CDC42BPB: variants seen among roughly 807,000 people sequenced by gnomAD.
CDC42BPB encodes the protein serine/threonine-protein kinase MRCK beta.
In CDC42BPB, 37 loss-of-function variants were observed where a neutral mutation model predicts 214.9. The ratio of observed to expected loss-of-function variants is 0.17; its 90% confidence interval spans 0.13 to 0.23. The LOEUF is 0.23. CDC42BPB is among the 10% of genes least tolerant of loss of function. The pLI, the probability that CDC42BPB is intolerant of heterozygous loss-of-function variation, is 1.00. For missense variants in CDC42BPB, 1,694 were observed against 2,227.0 expected, an observed-to-expected ratio of 0.76 and a Z score of 4.82; for synonymous variants, 931 against 884.0, an observed-to-expected ratio of 1.05 and a Z score of -0.94.
At chr14:102,957,227 A>C (rs957636105) in intron 21 of CDC42BPB, among the ~76,000 whole-genome samples, 1 of 134,310 alleles carries the variant, frequency 7.4e-6, no homozygotes, top group Non-Finnish European at 1.6e-5. Context: ...AAAAAAAGGG[A>C]GGGATGAGGG....
rs549784457 is a variant in CDC42BPB, at chr14:102,944,771, T to C, written c.3812-284A>G. 4.7e-5 allele frequency: 30 copies of C among 634,366 alleles called. No individual in the cohort carries two copies. In the African/African-American group the frequency reaches 5.0e-4, roughly 11 times the overall value. The allele number at this position is 634,366 out of a possible 1,614,324, so 39.3% of individuals were successfully genotyped here. The stretch of plus-strand genomic sequence containing the variant: ...CTCTGCTGCTGTGCACACCCCTCAG[T>C]GCACCAGGGCTCCAGCTGGGCAGCG... On this transcript the variant is annotated intron_variant, in intron 29 of 36. Transcript: ENST00000361246. The surrounding 1 kb of genome is among the most constrained non-coding windows in gnomAD (Gnocchi z 6.6).
At chr14:102,955,797 C>T (rs1266760118) in intron 21 of CDC42BPB, among the ~76,000 whole-genome samples, 2 of 152,196 alleles carry the variant, frequency 1.3e-5, no homozygotes, top group Admixed American at 6.5e-5. Flanking sequence ...GCTGGGTAGG[C>T]GCCTAAAGCA....
intron 1 of CDC42BPB, among the ~76,000 whole-genome samples, chr14:103,056,357 T>G (rs971727911): frequency 6.6e-5 from 10 of 152,106 alleles, no homozygotes; most frequent in African/African-American, 2.4e-4. Flanking sequence ...AAGTAGGTAT[T>G]CAGGCTCTGA....
At chr14:102,978,293 G>A (rs945278168) in intron 8 of CDC42BPB, 88 bp from the exon 9 acceptor site, 2 of 1,579,338 alleles carry the variant, frequency 1.3e-6, no homozygotes, top group African/African-American at 1.4e-5. Flanking sequence ...ATGGTGACAG[G>A]AGGCACTGGG....
intron 1 of CDC42BPB, among the ~76,000 whole-genome samples, chr14:103,020,315 G>A (rs1193902706): frequency 2.6e-5 from 4 of 152,312 alleles, no homozygotes; most frequent in African/African-American, 9.6e-5. Context: ...TCGCCCCCGA[G>A]TCGTCAACTC....
intron 30 of CDC42BPB, among the ~76,000 whole-genome samples, chr14:102,942,577 C>T (rs1269747957): frequency 6.6e-6 from 1 of 152,248 alleles, no homozygotes; most frequent in African/African-American, 2.4e-5. Flanking sequence ...CAGGGTCTCA[C>T]TCTGTCTCCC....
intron 1 of CDC42BPB, among the ~76,000 whole-genome samples, chr14:103,022,841 G>C (rs951731160): frequency 4.6e-5 from 7 of 152,124 alleles, no homozygotes; most frequent in South Asian, 2.1e-4. Flanking sequence ...GGTGCTTGCT[G>C]CATCTGTGCC....
At chr14:102,938,281 T>A in intron 35 of CDC42BPB, 25 bp downstream of exon 35, 1 of 1,605,078 alleles carries the variant, frequency 6.2e-7, no homozygotes, top group Non-Finnish European at 8.5e-7. Flanking sequence ...CCCCCAGGGC[T>A]GCGGGGGCCA....
In CDC42BPB at chr14:102,968,298, C is replaced by G; in HGVS notation, c.2301G>C (p.Ala767=). ...GCTTCTTGTTTTCATCAAACAGCAT[C>G]GCTCTTTCTCGTTCGTATTTATCTT... The part of the protein sequence containing the change: ...TIKDKYERER[A]MLFDENKKLT... The change falls in exon 16 of 37, where the codon GCG becomes GCC. Residue 767 remains alanine, a synonymous_variant. Coordinates refer to ENST00000361246, the MANE Select transcript of CDC42BPB (RefSeq NM_006035.4). 1 of 1,614,022 alleles carries G rather than the reference C, an allele frequency of 6.2e-7. No homozygotes were observed. Among genetic ancestry groups the G allele is most frequent in the African/African-American group, 1.3e-5 (1 of 74,990 alleles).
intron 1 of CDC42BPB, among the ~76,000 whole-genome samples, chr14:103,030,135 C>T (rs1234867827): frequency 6.6e-6 from 1 of 152,226 alleles, no homozygotes; most frequent in Non-Finnish European, 1.5e-5. Flanking sequence ...AGAGGAGAAG[C>T]GTGGAGCGGC....
At chr14:103,022,051 G>A (rs936505302) in intron 1 of CDC42BPB, among the ~76,000 whole-genome samples, 1 of 152,154 alleles carries the variant, frequency 6.6e-6, no homozygotes, top group South Asian at 2.1e-4. Flanking sequence ...GGTGCCCAGT[G>A]TACAGCTGGT....
chr14:103,038,894 A>C (rs1337980947), intron 1 of CDC42BPB, among the ~76,000 whole-genome samples: 1 of 152,158 alleles, frequency 6.6e-6, no homozygotes, highest in African/African-American at 2.4e-5. Flanking sequence ...AGATTGACCA[A>C]GAAAAAAAAC....
chr14:102,969,270 G>A (rs992483664), intron 14 of CDC42BPB, among the ~76,000 whole-genome samples: 1 of 152,248 alleles, frequency 6.6e-6, no homozygotes, highest in Admixed American at 6.5e-5. Flanking sequence ...ATGCAGAGAG[G>A]CCAGTGTGTC....
At chr14:103,031,037 T>TA (rs1161795235) in intron 1 of CDC42BPB, among the ~76,000 whole-genome samples, 2 of 152,174 alleles carry the variant, frequency 1.3e-5, no homozygotes, top group East Asian at 3.9e-4. Flanking sequence ...CCACCTCCAA[T>TA]ATGTCACATA....
intron 26 of CDC42BPB, 21 bp downstream of exon 26, chr14:102,949,744 C>T (rs1467500516): frequency 6.2e-7 from 1 of 1,612,982 alleles, no homozygotes; most frequent in African/African-American, 1.3e-5. Flanking sequence ...AGAGCAAGGA[C>T]AGTGCTGCCC....
chr14:103,048,227 T>C (rs994675616), intron 1 of CDC42BPB, among the ~76,000 whole-genome samples: 2 of 152,014 alleles, frequency 1.3e-5, no homozygotes, highest in Non-Finnish European at 2.9e-5. Context: ...ACTAAATTCA[T>C]GACTGTACAT....
intron 1 of CDC42BPB, among the ~76,000 whole-genome samples, chr14:103,043,605 A>G (rs1888129802): frequency 6.6e-6 from 1 of 152,160 alleles, no homozygotes; most frequent in Admixed American, 6.5e-5. Flanking sequence ...GAATATACTA[A>G]AACACACCAA....
chr14:102,941,600 T>C (rs943178732), intron 30 of CDC42BPB: 2 of 974,424 alleles, frequency 2.1e-6, no homozygotes, highest in African/African-American at 1.8e-5. Context: ...GCCGAGTATG[T>C]GGGGATTCGC....
intron 1 of CDC42BPB, among the ~76,000 whole-genome samples, chr14:103,034,065 T>C (rs915880694): frequency 6.6e-6 from 1 of 152,254 alleles, no homozygotes. Context: ...ATCTGATTGA[T>C]ACAGGCCCTT....
Sources: allele counts gnomAD v4.1 joint callset (sites outside exome capture counted in the v4.1 genomes callset), GRCh38; gene constraint gnomAD v4.1.1; non-coding constraint Gnocchi (gnomAD v3.1); transcripts MANE v1.5; gene names NCBI Gene and HGNC (gene_info 2026-07-23, HGNC 2026-07-21).